The following COL23A1 variants were observed in gnomAD, a reference collection of about 807,000 sequenced individuals.
COL23A1 encodes the protein collagen alpha-1(XXIII) chain.
A neutral mutation model predicts 99.3 loss-of-function variants in COL23A1; 97 were observed. The ratio of observed to expected loss-of-function variants is 0.98; its 90% CI spans 0.83 to 1.16. COL23A1 has a LOEUF of 1.16. Among genes scored for constraint, COL23A1 ranks in the 50% most tolerant of loss-of-function variants. The pLI is 0.00. For synonymous variants in COL23A1, 320 were observed against 308.2 expected (o/e 1.04, Z -0.40); for missense variants, 762 against 757.4 (o/e 1.01, Z -0.07).
rs1223215382 is a variant in COL23A1 at position 178,384,218 on chromosome 5, C to CGCT, written c.362-77302_362-77300dup. Among the ~76,000 whole-genome samples, 24 of 152,224 alleles carry CGCT rather than the reference C, an allele frequency of 1.6e-4. No individual in the cohort carries two copies. The highest frequency in any genetic ancestry group is 1.6e-3 in the Admixed American group (24 of 15,288). ...ACAACGAGAGCAGCGTGGAGCCAGA[C>CGCT]GCTGCTGCGAGCTGAGCTGCGATCG... On this transcript the variant is annotated intron_variant, in intron 2 of 28. Coordinates refer to ENST00000390654, the MANE Select transcript of COL23A1 (RefSeq NM_173465.4). The surrounding 1 kb of genome is among the most constrained non-coding windows in gnomAD (Gnocchi z 5.5).
intron 2 of COL23A1, among the ~76,000 whole-genome samples, chr5:178,420,284 G>A (rs1041517459): frequency 1.3e-5 from 2 of 152,046 alleles, no homozygotes; most frequent in Non-Finnish European, 2.9e-5. Flanking sequence ...AAGAGCGCCC[G>A]TGGGCAGCAC....
At chr5:178,403,135 A>T (rs1418688394) in intron 2 of COL23A1, among the ~76,000 whole-genome samples, 2 of 137,350 alleles carry the variant, frequency 1.5e-5, no homozygotes, top group African/African-American at 6.7e-5. Flanking sequence ...AATAAATAAA[A>T]AATAAATACC....
intron 27 of COL23A1, among the ~76,000 whole-genome samples, chr5:178,240,869 A>G (rs1764359087): frequency 6.6e-6 from 1 of 151,930 alleles, no homozygotes; most frequent in Non-Finnish European, 1.5e-5. Context: ...TAGTACGAAA[A>G]CCCAGCTGTT....
intron 2 of COL23A1, among the ~76,000 whole-genome samples, chr5:178,445,659 G>A (rs775722729): frequency 2.0e-5 from 3 of 152,162 alleles, no homozygotes; most frequent in South Asian, 2.1e-4. Context: ...AAACTACATC[G>A]AAAAGATGAA....
intron 2 of COL23A1, among the ~76,000 whole-genome samples, chr5:178,314,536 C>T (rs1172316865): frequency 2.0e-5 from 3 of 152,106 alleles, no homozygotes; most frequent in African/African-American, 7.2e-5. Flanking sequence ...TAGGTGTCCC[C>T]AGTGTCACAT....
chr5:178,443,634 T>A (rs1176597604), intron 2 of COL23A1, among the ~76,000 whole-genome samples: 8 of 151,278 alleles, frequency 5.3e-5, no homozygotes, highest in Non-Finnish European at 1.2e-4. Context: ...CTATTTTTTT[T>A]TTTCGTACAG....
At chr5:178,454,579 G>T (rs1359231997) in intron 2 of COL23A1, among the ~76,000 whole-genome samples, 1 of 152,140 alleles carries the variant, frequency 6.6e-6, no homozygotes, top group African/African-American at 2.4e-5. Flanking sequence ...TGTGAAATGG[G>T]CATAATCACA....
At chr5:178,347,878 T>TG (rs1561883978) in intron 2 of COL23A1, among the ~76,000 whole-genome samples, 1 of 39,446 alleles carries the variant, frequency 2.5e-5, no homozygotes, top group Non-Finnish European at 3.9e-5. Flanking sequence ...AGACTCTGTC[T>TG]CAAAAAAAAA....
chr5:178,553,109 G>T (rs1762093774), intron 2 of COL23A1, among the ~76,000 whole-genome samples: 2 of 150,250 alleles, frequency 1.3e-5, no homozygotes, highest in South Asian at 4.2e-4. Context: ...GTTCAAGGTT[G>T]CAGTGAACCG....
chr5:178,350,037 C>T (rs1761229040), intron 2 of COL23A1, among the ~76,000 whole-genome samples: 1 of 152,226 alleles, frequency 6.6e-6, no homozygotes, highest in South Asian at 2.1e-4. Context: ...CCTCTGTGCC[C>T]CCTCTCCAGG....
intron 2 of COL23A1, among the ~76,000 whole-genome samples, chr5:178,467,913 G>C (rs1756509122): frequency 6.6e-6 from 1 of 152,180 alleles, no homozygotes; most frequent in Non-Finnish European, 1.5e-5. Context: ...GTGACAAAGG[G>C]AAACTGCAGG....
At chr5:178,588,026 T>G (rs114413363) in intron 1 of COL23A1, among the ~76,000 whole-genome samples, 266 of 152,330 alleles carry the variant, frequency 1.7e-3, no homozygotes, top group African/African-American at 6.2e-3. Context: ...GATACCCAGC[T>G]GGGATTAGCG....
intron 2 of COL23A1, among the ~76,000 whole-genome samples, chr5:178,532,798 AG>A (rs1036732943): frequency 6.6e-6 from 1 of 152,150 alleles, no homozygotes; most frequent in African/African-American, 2.4e-5. Context: ...TTACAAGAAG[AG>A]GTAGGAAAGA....
chr5:178,400,239 C>T (rs1001671679), intron 2 of COL23A1, among the ~76,000 whole-genome samples: 41 of 151,902 alleles, frequency 2.7e-4, no homozygotes, highest in Middle Eastern at 3.4e-3. Context: ...TGGTGGCGGG[C>T]GCCTGTAGCC....
intron 2 of COL23A1, among the ~76,000 whole-genome samples, chr5:178,369,383 G>C (rs1762676160): frequency 6.6e-6 from 1 of 152,192 alleles, no homozygotes; most frequent in Non-Finnish European, 1.5e-5. Context: ...TGGCCTTCTG[G>C]AAACTGGAAG....
intron 5 of COL23A1, among the ~76,000 whole-genome samples, chr5:178,270,993 C>T (rs1444810984): frequency 6.6e-6 from 1 of 152,188 alleles, no homozygotes; most frequent in Non-Finnish European, 1.5e-5. Flanking sequence ...TTTGAGCTTC[C>T]CACATTGCTG....
At chr5:178,337,984 C>G (rs1760442304) in intron 2 of COL23A1, among the ~76,000 whole-genome samples, 1 of 152,124 alleles carries the variant, frequency 6.6e-6, no homozygotes, top group South Asian at 2.1e-4. Context: ...TCATTTCACC[C>G]AGGCTCCTGA....
intron 3 of COL23A1, among the ~76,000 whole-genome samples, chr5:178,296,218 G>A (rs1202826901): frequency 2.6e-5 from 4 of 152,228 alleles, no homozygotes; most frequent in African/African-American, 7.2e-5. Context: ...CCTGAGAGCA[G>A]AGCCCTGGGG....
chr5:178,475,210 C>T (rs1756964659), intron 2 of COL23A1, among the ~76,000 whole-genome samples: 1 of 152,224 alleles, frequency 6.6e-6, no homozygotes, highest in Non-Finnish European at 1.5e-5. Context: ...GTCATATTCA[C>T]ATGCAATGGA....
Sources: allele counts gnomAD v4.1 joint callset (sites outside exome capture counted in the v4.1 genomes callset), GRCh38; gene constraint gnomAD v4.1.1; non-coding constraint Gnocchi (gnomAD v3.1); transcripts MANE v1.5; gene names NCBI Gene and HGNC (gene_info 2026-07-23, HGNC 2026-07-21).